B4GALNT2: variants seen among roughly 807,000 people sequenced by gnomAD.
B4GALNT2 encodes the protein N-acetylneuraminylgalactosylglucosyl-glucoside beta-1,4-N- acetylgalactosaminyltransferase 2.
B4GALNT2 carries 42 observed loss-of-function variants against 51.1 expected under a neutral mutation model. The observed-to-expected ratio is 0.82, with a 90% CI of 0.64 to 1.06. B4GALNT2 has a LOEUF of 1.06. Among genes scored for constraint, B4GALNT2 ranks in the 50% least tolerant of loss-of-function variants. The pLI, the probability that B4GALNT2 is intolerant of heterozygous loss-of-function variation, is 0.00. For synonymous variants in B4GALNT2, 253 were observed against 251.7 expected (o/e 1.01, Z -0.05); for missense variants, 602 against 633.6 (o/e 0.95, Z 0.54).
At position 49,159,002 on chromosome 17, in the gene B4GALNT2, C is replaced by T. The variant is rs1243121814; in HGVS notation, c.499-35C>T. The T allele has an allele frequency of 3.1e-6, 5 of 1,602,848 alleles. No individual in the cohort carries two copies. The Admixed American group carries it at 8.4e-5, about 27-fold the overall frequency. Reference sequence around the variant, plus strand: ...TTTCCAGGGAGATATTTTCCAATCCCTGCATTGAGCATCATTCTACCTCAC... The same window carrying T: ...TTTCCAGGGAGATATTTTCCAATCCTTGCATTGAGCATCATTCTACCTCAC... On this transcript the variant is annotated intron_variant, in intron 5 of 10. Coordinates refer to ENST00000393354, the MANE Select transcript of B4GALNT2 (RefSeq NM_001159387.2).
the B4GALNT2 span, among the ~76,000 whole-genome samples, chr17:49,125,640 G>A: frequency 1.6e-4 from 23 of 145,168 alleles, no homozygotes; most frequent in Admixed American, 1.1e-3. Context: ...CTGCCCGGCC[G>A]CGGCCCCGTC....
chr17:49,155,294 T>C (rs1436971020), intron 4 of B4GALNT2, among the ~76,000 whole-genome samples: 1 of 96,700 alleles, frequency 1.0e-5, no homozygotes, highest in Non-Finnish European at 1.9e-5. Flanking sequence ...TGAGATTCAG[T>C]CTCAAAAAAA....
intron 1 of B4GALNT2, among the ~76,000 whole-genome samples, chr17:49,135,509 C>T (rs766902280): frequency 1.3e-5 from 2 of 152,044 alleles, no homozygotes; most frequent in South Asian, 2.1e-4. Flanking sequence ...CCACCCGCCT[C>T]GGCCTCCCAA....
At chr17:49,165,294 T>C (rs1260956664) in intron 8 of B4GALNT2, among the ~76,000 whole-genome samples, 1 of 150,754 alleles carries the variant, frequency 6.6e-6, no homozygotes. Context: ...CTTGACTCTC[T>C]CTCCCTCCCC....
chr17:49,153,430 A>G (rs1173727681), intron 4 of B4GALNT2, among the ~76,000 whole-genome samples: 1 of 152,188 alleles, frequency 6.6e-6, no homozygotes, highest in Non-Finnish European at 1.5e-5. Context: ...TAGATAAAAA[A>G]TAAATAAATA....
chr17:49,129,932 C>T (rs549772740), upstream of B4GALNT2, among the ~76,000 whole-genome samples: 4 of 152,314 alleles, frequency 2.6e-5, no homozygotes, highest in East Asian at 7.7e-4. Context: ...AATGGTGGTG[C>T]TTGTCCAAGA....
upstream of B4GALNT2, among the ~76,000 whole-genome samples, chr17:49,131,272 C>A (rs1412066955): frequency 1.3e-5 from 2 of 152,104 alleles, no homozygotes; most frequent in Non-Finnish European, 2.9e-5. Context: ...CAAAGAGGAT[C>A]TCTTTTCCAG....
chr17:49,167,250 A>G (rs2042918760), intron 9 of B4GALNT2, among the ~76,000 whole-genome samples: 1 of 152,160 alleles, frequency 6.6e-6, no homozygotes, highest in Non-Finnish European at 1.5e-5. Flanking sequence ...TTGCTCCTCA[A>G]TCCTTTGGTC....
intron 6 of B4GALNT2, 93 bp downstream of exon 6, chr17:49,159,310 G>C: frequency 7.5e-7 from 1 of 1,334,222 alleles, no homozygotes; most frequent in Admixed American, 2.1e-5. Flanking sequence ...AAGCCTTCCT[G>C]TTTTTTGTGT....
At position 49,141,391 on chromosome 17, in the gene B4GALNT2, G is replaced by T. The variant is rs150414763; in HGVS notation, c.159G>T (p.Lys53Asn). The T allele has an allele frequency of 3.1e-6, 5 of 1,614,040 alleles. No individual in the cohort carries two copies. The highest frequency in any genetic ancestry group is 4.2e-6 in the Non-Finnish European group (5 of 1,180,030). The change falls in exon 2 of 11, where the codon AAG becomes AAT. Residue 53 changes from lysine (K) to asparagine (N), a missense_variant. Transcript: ENST00000393354. ...ELPSPAPGVQ[K>N]LKLLPEERLR... ...CAAGTCCTGCCCCGGGTGTCCAGAA[G>T]CTGAAGCTTCTGCCTGAGGAACGTC... is the stretch of plus-strand genomic sequence containing the variant.
At chr17:49,132,870 T>G in intron 1 of B4GALNT2, 64 bp downstream of exon 1, 1 of 1,368,432 alleles carries the variant, frequency 7.3e-7, no homozygotes, top group Non-Finnish European at 9.4e-7. Flanking sequence ...GCGCCGCGGG[T>G]CCTTTCTGGC....
chr17:49,125,863 C>A, the B4GALNT2 span, among the ~76,000 whole-genome samples: 1 of 130,322 alleles, frequency 7.7e-6, no homozygotes, highest in Admixed American at 7.9e-5. Context: ...GCCACCCCGT[C>A]CGGGAGGGAG....
chr17:49,124,288 G>A, the B4GALNT2 span, among the ~76,000 whole-genome samples: 1 of 152,130 alleles, frequency 6.6e-6, no homozygotes, highest in Admixed American at 6.5e-5. Flanking sequence ...CCTCTATTCT[G>A]ATGTCACAAT....
At position 49,170,379 on chromosome 17, in the gene B4GALNT2, G is replaced by C. The variant is rs1320190113; in HGVS notation, c.*651G>C. On this transcript the variant is annotated 3_prime_UTR_variant, in exon 11 of 11. Coordinates refer to ENST00000393354, the MANE Select transcript of B4GALNT2 (RefSeq NM_001159387.2). ...TTCAGGCATCAGAGAGGGTAGGAGG[G>C]CCCTGGGGCCATCCCACTGTCCACC... 1 of 152,352 alleles carries C rather than the reference G, an allele frequency of 6.6e-6. No homozygotes were observed. Among genetic ancestry groups the C allele is most frequent in the Non-Finnish European group, 1.5e-5 (1 of 68,148 alleles). 9.4% of individuals were successfully genotyped at this position (152,352 alleles called of 1,614,324 possible). A position where few individuals can be genotyped will look rare whatever the true frequency, so the allele number is the denominator to read the frequency against.
At chr17:49,145,598 T>A (rs1178629613) in intron 3 of B4GALNT2, among the ~76,000 whole-genome samples, 1 of 151,960 alleles carries the variant, frequency 6.6e-6, no homozygotes, top group East Asian at 1.9e-4. Flanking sequence ...GCAGGTAATG[T>A]TTTTTTTCCT....
At chr17:49,125,139 A>G in the B4GALNT2 span, among the ~76,000 whole-genome samples, 1 of 151,916 alleles carries the variant, frequency 6.6e-6, no homozygotes, top group African/African-American at 2.4e-5. Context: ...TTTGTTGGTG[A>G]GTTTGGGATT....
chr17:49,126,937 CAG>C, the B4GALNT2 span, among the ~76,000 whole-genome samples: 1 of 152,214 alleles, frequency 6.6e-6, no homozygotes, highest in Non-Finnish European at 1.5e-5. Context: ...CTCCTGACCT[CAG>C]GTGAACCACC....
At chr17:49,136,851 A>G (rs2042595639) in intron 1 of B4GALNT2, among the ~76,000 whole-genome samples, 1 of 152,094 alleles carries the variant, frequency 6.6e-6, no homozygotes, top group Admixed American at 6.6e-5. Flanking sequence ...CCAGCCTCAC[A>G]TTAGAGTTTT....
At chr17:49,125,251 C>T in the B4GALNT2 span, among the ~76,000 whole-genome samples, 1 of 152,138 alleles carries the variant, frequency 6.6e-6, no homozygotes. Context: ...CCTCCACTTC[C>T]TGGGTTCAAG....
Sources: gnomAD v4.1 joint callset for allele counts (sites outside exome capture counted in the v4.1 genomes callset) on GRCh38, gnomAD v4.1.1 for gene constraint, MANE v1.5 for transcripts, NCBI Gene and HGNC (gene_info 2026-07-23, HGNC 2026-07-21) for gene names.